PPRC1: variants seen among roughly 807,000 people sequenced by gnomAD.
PPRC1 encodes the protein peroxisome proliferator-activated receptor gamma coactivator-related protein 1.
Under a neutral mutation model 132.5 loss-of-function variants are expected in PPRC1, and 23 were observed. That is an observed-to-expected ratio of 0.17 (90% CI 0.12 to 0.25). PPRC1 has a LOEUF of 0.25. Among genes scored for constraint, PPRC1 ranks in the 10% least tolerant of loss-of-function variants. The pLI is 1.00. For missense variants in PPRC1, 2,006 were observed against 2,089.1 expected (o/e 0.96, Z 0.78); for synonymous variants, 872 against 833.5 (o/e 1.05, Z -0.80).
intron 1 of PPRC1, among the ~76,000 whole-genome samples, chr10:102,135,110 G>T (rs1168585279): frequency 6.6e-6 from 1 of 152,192 alleles, no homozygotes; most frequent in Non-Finnish European, 1.5e-5. Context: ...AAATAATAAT[G>T]AATGAGACAA....
the PPRC1 span, among the ~76,000 whole-genome samples, chr10:102,123,098 C>A: frequency 2.8e-4 from 42 of 152,264 alleles, no homozygotes; most frequent in East Asian, 7.9e-3. Flanking sequence ...GCCCAGTTAC[C>A]GGTAAGGAAA....
intron 1 of PPRC1, 87 bp downstream of exon 1, chr10:102,133,308 G>A (rs577687380): frequency 2.9e-5 from 33 of 1,137,750 alleles, no homozygotes; most frequent in Non-Finnish European, 3.6e-5. Context: ...AAGAGAGGAA[G>A]CGCCTGAGAG....
At position 102,143,055 on chromosome 10, in the gene PPRC1, A is replaced by G. The variant is rs201470657; in HGVS notation, c.3507A>G (p.Ala1169=). Residue 1169 remains alanine, a synonymous_variant, in exon 6 of 14, where the codon GCA becomes GCG. Coordinates refer to ENST00000278070, the MANE Select transcript of PPRC1 (RefSeq NM_015062.5). ...QAFISEIGIE[A]SDLSSLLEQF... ...TGTGTGCCTCCACAGGAATTGAGGC[A>G]TCGGACCTGTCCAGTCTGCTGGAGC... The G allele has an allele frequency of 5.6e-6, 9 of 1,613,656 alleles. No individual in the cohort carries two copies. Among genetic ancestry groups the G allele is most frequent in the Non-Finnish European group, 6.8e-6 (8 of 1,179,574 alleles).
upstream of PPRC1, among the ~76,000 whole-genome samples, chr10:102,129,707 G>A (rs1050167817): frequency 3.9e-5 from 6 of 152,004 alleles, no homozygotes; most frequent in African/African-American, 7.2e-5. Context: ...GGGTTCAAGC[G>A]ATTCTCCCTG....
chr10:102,134,211 C>A (rs1182753307), intron 1 of PPRC1, among the ~76,000 whole-genome samples: 1 of 152,070 alleles, frequency 6.6e-6, no homozygotes, highest in Non-Finnish European at 1.5e-5. Flanking sequence ...TTTCCTCCAG[C>A]ATCTCTTTTG....
Position 102,146,412 on chromosome 10 carries a change from C to G in PPRC1, c.3680-260C>G, listed in dbSNP as rs539021767. On this transcript the variant is annotated intron_variant, in intron 8 of 13. Coordinates refer to ENST00000278070, the MANE Select transcript of PPRC1 (RefSeq NM_015062.5). ...GATCTGAGAATGGAGAGCTTAGACTCTAGGACCTGGCTACTAGGTTTGGGT... is the reference window on the plus strand; with the variant it reads ...GATCTGAGAATGGAGAGCTTAGACTGTAGGACCTGGCTACTAGGTTTGGGT... Among the ~76,000 whole-genome samples the G allele has an allele frequency of 7.9e-4, 120 of 152,184 alleles. 1 individual carries two copies. The highest frequency in any genetic ancestry group is 2.7e-3 in the African/African-American group (111 of 41,536).
the PPRC1 span, among the ~76,000 whole-genome samples, chr10:102,122,481 T>A: frequency 6.6e-6 from 1 of 150,506 alleles, no homozygotes. Flanking sequence ...TTTTTTTTTT[T>A]AAGATTATCC....
At chr10:102,149,013 C>T in intron 12 of PPRC1, 75 bp downstream of exon 12, 2 of 1,585,398 alleles carry the variant, frequency 1.3e-6, no homozygotes, top group Non-Finnish European at 8.6e-7. Context: ...GTCTTGCCTC[C>T]TTGCTCTGGT....
rs932181183 is a variant in PPRC1, at chr10:102,141,174, C to T, written c.2666C>T (p.Pro889Leu). The change falls in exon 5 of 14, where the codon CCC (proline) becomes CTC (leucine). Residue 889 changes from proline to leucine, a missense_variant. Physicochemically the swap from Pro to Leu is moderately conservative, Grantham distance 98. Around this residue, in one of 2 missense-constraint regions of PPRC1, gnomAD observed 1,914 missense variants for 1,917.2 expected, o/e 1.00. Transcript: ENST00000278070. ...TTCCCTGCAGGTGGGCTTGGCATGC[C>T]CCCCAGTCTGCCCCCACCTCCCTTG... is the stretch of plus-strand genomic sequence containing the variant. ...LPFPAGGLGM[P>L]PSLPPPPLQP... is the part of the protein sequence containing the mutation. 3.1e-6 allele frequency: 5 copies of T among 1,613,862 alleles called. No homozygotes were observed. In the African/African-American group the frequency reaches 6.7e-5, roughly 22 times the overall value.
In PPRC1 at chr10:102,140,978, C is replaced by T; in HGVS notation, c.2470C>T (p.Pro824Ser). The T allele has an allele frequency of 6.2e-7, 1 of 1,614,032 alleles. No homozygotes were observed. The highest frequency in any genetic ancestry group is 8.5e-7 in the Non-Finnish European group (1 of 1,180,012). ...PLEICLVPVG[P>S]SPASPSPEPP... ...TGAGATTTGCCTTGTGCCTGTAGGTCCCAGCCCTGCTTCTCCTAGTCCTGA... is the reference window on the plus strand; with the variant it reads ...TGAGATTTGCCTTGTGCCTGTAGGTTCCAGCCCTGCTTCTCCTAGTCCTGA... The change falls in exon 5 of 14, where the codon CCC (proline) becomes TCC (serine). Residue 824 changes from proline (P) to serine (S), a missense_variant. Transcript: ENST00000278070.
intron 1 of PPRC1, among the ~76,000 whole-genome samples, chr10:102,136,465 C>A (rs1265477229): frequency 2.0e-5 from 3 of 152,068 alleles, no homozygotes; most frequent in Non-Finnish European, 2.9e-5. Flanking sequence ...GTTTCCTATG[C>A]GGTAGTTTCC....
At chr10:102,144,884 G>GA in intron 7 of PPRC1, 136 bp from the exon 8 acceptor site, 1 of 706,096 alleles carries the variant, frequency 1.4e-6, no homozygotes, top group Non-Finnish European at 2.4e-6. Context: ...TTTTGTGCAG[G>GA]AAGAAGATGA....
At chr10:102,142,174 C>T (rs12247573) in intron 5 of PPRC1, among the ~76,000 whole-genome samples, 170 bp downstream of exon 5, 3,027 of 151,174 alleles carry the variant, frequency 0.02, 99 homozygotes, top group African/African-American at 0.069. Flanking sequence ...TGCAGTGGTG[C>T]AATCTCGGCT....
At chr10:102,122,739 C>A in the PPRC1 span, among the ~76,000 whole-genome samples, 1 of 152,104 alleles carries the variant, frequency 6.6e-6, no homozygotes, top group African/African-American at 2.4e-5. Flanking sequence ...AGGTCTTTGC[C>A]TCCTGTGAAT....
Position 102,141,854 on chromosome 10 carries a change from C to A in PPRC1, c.3346C>A (p.Pro1116Thr), listed in dbSNP as rs764190481. The A allele has an allele frequency of 6.2e-7, 1 of 1,614,130 alleles. No individual in the cohort carries two copies. The highest frequency in any genetic ancestry group is 1.1e-5 in the South Asian group (1 of 91,072). ...ETRPREKPPL[P>T]ATKAVPTPRQ... ...CAGGCCCAGGGAGAAGCCCCCCTTG[C>A]CTGCTACCAAGGCTGTTCCCACACC... Residue 1116 changes from proline to threonine, a missense_variant, in exon 5 of 14, where the codon CCT becomes ACT. By Grantham distance (38) the Pro-to-Thr change is conservative. Coordinates refer to ENST00000278070, the MANE Select transcript of PPRC1 (RefSeq NM_015062.5).
chr10:102,128,087 G>A, upstream of PPRC1, among the ~76,000 whole-genome samples: 1 of 151,886 alleles, frequency 6.6e-6, no homozygotes, highest in Non-Finnish European at 1.5e-5. Context: ...CAAGCTCACT[G>A]TCATGGTTGT....
At chr10:102,133,432 G>C (rs1471169334) in intron 1 of PPRC1, among the ~76,000 whole-genome samples, 2 of 152,258 alleles carry the variant, frequency 1.3e-5, no homozygotes, top group Admixed American at 6.5e-5. Context: ...GACGCCGGAG[G>C]GGGAGAGCGG....
intron 8 of PPRC1, 115 bp downstream of exon 8, chr10:102,145,205 CT>C: frequency 1.0e-6 from 1 of 969,346 alleles, no homozygotes; most frequent in Non-Finnish European, 1.5e-6. Context: ...GATCTCCAGC[CT>C]TGAGATACTC....
Position 102,145,042 on chromosome 10 carries a change from A to G in PPRC1, c.3631A>G (p.Lys1211Glu), listed in dbSNP as rs779946521. The change falls in exon 8 of 14, where the codon AAG (lysine) becomes GAG (glutamate). Residue 1211 changes from lysine (K) to glutamate (E), a missense_variant. By Grantham distance (56) the Lys-to-Glu change is moderately conservative. Around this residue, in one of 2 missense-constraint regions of PPRC1, gnomAD observed 1,914 missense variants for 1,917.2 expected, o/e 1.00. Coordinates refer to ENST00000278070, the MANE Select transcript of PPRC1 (RefSeq NM_015062.5). ...NSGGVDIPQEKRPLDRLQAPE... is the reference protein window; with the variant it reads ...NSGGVDIPQEERPLDRLQAPE... Reference sequence around the variant, plus strand: ...CAGCGGCGTTGACATTCCCCAGGAGAAGAGGCCCCTAGACCGGTTACAAGC... The same window carrying G: ...CAGCGGCGTTGACATTCCCCAGGAGGAGAGGCCCCTAGACCGGTTACAAGC... 1.2e-6 allele frequency: 2 copies of G among 1,612,966 alleles called. No individual in the cohort carries two copies. Among genetic ancestry groups the G allele is most frequent in the South Asian group, 2.2e-5 (2 of 91,008 alleles).
Sources: gnomAD v4.1 joint callset for allele counts (sites outside exome capture counted in the v4.1 genomes callset) on GRCh38, gnomAD v4.1.1 for gene constraint, gnomAD v4.1.1 regional missense constraint, MANE v1.5 for transcripts, NCBI Gene and HGNC (gene_info 2026-07-23, HGNC 2026-07-21) for gene names.